The following TENM2 variants were observed in gnomAD, a reference collection of about 807,000 sequenced individuals.
The protein encoded by TENM2 is teneurin-2.
TENM2 carries 52 observed loss-of-function variants against 245.2 expected under a neutral mutation model. The observed-to-expected ratio is 0.21, with a 90% CI of 0.17 to 0.27. The LOEUF is 0.27. TENM2 is among the 10% of genes least tolerant of loss of function. The pLI is 1.00. For missense variants in TENM2, 3,046 were observed against 3,666.8 expected (o/e 0.83, Z 4.37); for synonymous variants, 1,363 against 1,438.9 (o/e 0.95, Z 1.19).
intron 20 of TENM2, among the ~76,000 whole-genome samples, chr5:168,214,393 G>A (rs1763016194): frequency 6.6e-6 from 1 of 152,204 alleles, no homozygotes; most frequent in African/African-American, 2.4e-5. Context: ...GATTTGAAAA[G>A]TGCATCTCCT....
the TENM2 span, among the ~76,000 whole-genome samples, chr5:167,252,243 A>G: frequency 1.3e-5 from 2 of 152,188 alleles, no homozygotes; most frequent in African/African-American, 4.8e-5. Context: ...CAAAGGTGAT[A>G]AGGAAAGACG....
intron 2 of TENM2, among the ~76,000 whole-genome samples, chr5:167,400,422 G>A (rs2127384502): frequency 6.6e-6 from 1 of 152,194 alleles, no homozygotes; most frequent in African/African-American, 2.4e-5. Flanking sequence ...TAAATGAGAT[G>A]GAGGGTAGGA....
At chr5:167,370,225 C>G (rs1011501281) in intron 1 of TENM2, among the ~76,000 whole-genome samples, 7 of 151,152 alleles carry the variant, frequency 4.6e-5, no homozygotes, top group African/African-American at 1.7e-4. Context: ...GCCTGTAGTC[C>G]CAGCTACTCG....
chr5:167,510,955 G>T (rs1582247255), intron 2 of TENM2, among the ~76,000 whole-genome samples: 1 of 63,448 alleles, frequency 1.6e-5, no homozygotes, highest in East Asian at 3.0e-4. Flanking sequence ...AAAAATAAAA[G>T]AAAGAGAGAG....
chr5:167,250,988 C>T, the TENM2 span, among the ~76,000 whole-genome samples: 305 of 152,180 alleles, frequency 2.0e-3, 4 homozygotes, highest in African/African-American at 6.8e-3. Context: ...AATTGCTTCT[C>T]TCTTTTGAGA....
intron 12 of TENM2, among the ~76,000 whole-genome samples, chr5:168,143,422 A>G (rs950860318): frequency 3.9e-5 from 6 of 152,154 alleles, no homozygotes; most frequent in African/African-American, 1.4e-4. Flanking sequence ...TACTGCTGCT[A>G]ATAATAGAAA....
intron 2 of TENM2, among the ~76,000 whole-genome samples, chr5:167,860,306 G>A (rs1307554847): frequency 5.9e-5 from 6 of 102,510 alleles, no homozygotes; most frequent in East Asian, 3.9e-4. Context: ...CTGCCCGGCC[G>A]CCCCTACTGG....
chr5:168,068,837 CTGTGTGTT>C (rs1790731755), intron 7 of TENM2, among the ~76,000 whole-genome samples: 1 of 77,862 alleles, frequency 1.3e-5, no homozygotes, highest in African/African-American at 3.9e-5. Flanking sequence ...TCTGTAATCT[CTGTGTGTT>C]TGTGTGTGTG....
intron 2 of TENM2, among the ~76,000 whole-genome samples, chr5:167,602,304 G>A (rs958797709): frequency 1.3e-5 from 2 of 152,042 alleles, no homozygotes; most frequent in African/African-American, 4.8e-5. Context: ...TTTCCAATTG[G>A]TATCGAGGAC....
chr5:167,233,779 C>CTA, the TENM2 span, among the ~76,000 whole-genome samples: 1 of 152,132 alleles, frequency 6.6e-6, no homozygotes, highest in Non-Finnish European at 1.5e-5. Context: ...AATCTAGAAT[C>CTA]AGTGAGTATA....
chr5:167,928,901 A>G (rs570557413), intron 3 of TENM2, among the ~76,000 whole-genome samples: 3 of 144,182 alleles, frequency 2.1e-5, no homozygotes, highest in African/African-American at 8.1e-5. Flanking sequence ...GGCTCAAAAA[A>G]AAAAAAAAAA....
At chr5:167,174,584 T>C in the TENM2 span, among the ~76,000 whole-genome samples, 2 of 152,210 alleles carry the variant, frequency 1.3e-5, no homozygotes, top group African/African-American at 4.8e-5. Context: ...ATACAATATG[T>C]AGTTTTGATA....
chr5:167,318,518 G>T (rs1182462224), intron 1 of TENM2, among the ~76,000 whole-genome samples: 1 of 151,720 alleles, frequency 6.6e-6, no homozygotes, highest in Non-Finnish European at 1.5e-5. Context: ...AGTGATTAAA[G>T]CATCTTCTTT....
chr5:167,846,875 GT>G (rs1383265686), intron 2 of TENM2, among the ~76,000 whole-genome samples: 10 of 152,190 alleles, frequency 6.6e-5, no homozygotes, highest in Non-Finnish European at 1.5e-5. Context: ...AAAGATCGTT[GT>G]GCGTTATCCT....
chr5:167,463,886 G>A (rs527813286), intron 2 of TENM2, among the ~76,000 whole-genome samples: 1 of 152,182 alleles, frequency 6.6e-6, no homozygotes, highest in African/African-American at 2.4e-5. Context: ...CTATTAGAAG[G>A]TTTCCTTTCA....
At chr5:167,304,830 C>T (rs1366966894) in intron 1 of TENM2, among the ~76,000 whole-genome samples, 2 of 152,098 alleles carry the variant, frequency 1.3e-5, no homozygotes, top group Non-Finnish European at 2.9e-5. Flanking sequence ...CTGTTTTTCC[C>T]TCTTCAGAGC....
intron 2 of TENM2, among the ~76,000 whole-genome samples, chr5:167,380,890 A>G (rs1761064209): frequency 1.3e-5 from 2 of 152,136 alleles, no homozygotes; most frequent in African/African-American, 2.4e-5. Context: ...CTTATTGTTC[A>G]GTCATTTTTT....
chr5:168,236,978 A>C lies in TENM2; in HGVS notation c.5521-7442A>C, dbSNP rs1195478723. 8.1e-3 allele frequency among the ~76,000 whole-genome samples: 29 copies of C among 3,564 alleles called. 2 individuals are homozygous for C. Among genetic ancestry groups the C allele is most frequent in the Non-Finnish European group, 0.015 (28 of 1,926 alleles). The allele number at this position is 3,564 out of a possible 152,430, so 2.3% of individuals were successfully genotyped here. On this transcript the variant is annotated intron_variant, in intron 25 of 28. Coordinates refer to ENST00000518659, the Ensembl canonical transcript of TENM2. ...TATATATATATATATATATATATAT[A>C]TATATATATATATATATATATATTT... is the stretch of plus-strand genomic sequence containing the variant.
intron 2 of TENM2, among the ~76,000 whole-genome samples, chr5:167,836,152 A>G (rs996353349): frequency 1.3e-5 from 2 of 152,216 alleles, no homozygotes; most frequent in Non-Finnish European, 2.9e-5. Context: ...TTTATGATAC[A>G]TTTAAGATAG....
Sources: allele counts gnomAD v4.1 joint callset (sites outside exome capture counted in the v4.1 genomes callset), GRCh38; gene constraint gnomAD v4.1.1; transcripts MANE v1.5; gene names NCBI Gene and HGNC (gene_info 2026-07-23, HGNC 2026-07-21).